Variants in TENM2 observed in about 807,000 individuals in gnomAD.
TENM2 encodes teneurin-2.
A neutral mutation model predicts 245.2 loss-of-function variants in TENM2; 52 were observed. The ratio of observed to expected loss-of-function variants is 0.21; its 90% confidence interval spans 0.17 to 0.27. TENM2 has a LOEUF of 0.27. Ranked by LOEUF, TENM2 falls within the 10% of genes least tolerant of loss-of-function variation. TENM2 has a pLI of 1.00. For synonymous variants in TENM2, 1,363 were observed against 1,438.9 expected (o/e 0.95, Z 1.19); for missense variants, 3,046 against 3,666.8 (o/e 0.83, Z 4.37).
Position 168,070,050 on chromosome 5 carries a change from T to C in TENM2, c.1515+7785T>C, listed in dbSNP as rs142764179. Reference sequence around the variant, plus strand: ...CCATCTGCTTACAGAAATGCTCTTTTTGATTATGTTGCACTTGTCAAACTA... The same window carrying C: ...CCATCTGCTTACAGAAATGCTCTTTCTGATTATGTTGCACTTGTCAAACTA... On this transcript the variant is annotated intron_variant, in intron 7 of 28. Transcript: ENST00000518659. Among the ~76,000 whole-genome samples, 3 of 152,320 alleles carry C rather than the reference T, an allele frequency of 2.0e-5. No homozygotes were observed. In the East Asian group the frequency reaches 5.8e-4, roughly 29 times the overall value.
intron 1 of TENM2, among the ~76,000 whole-genome samples, chr5:167,311,338 A>G (rs1756017913): frequency 6.6e-6 from 1 of 152,210 alleles, no homozygotes; most frequent in East Asian, 1.9e-4. Context: ...TTTACTGCTG[A>G]ATAGCAATTG....
At chr5:168,217,019 G>A in intron 22 of TENM2, 97 bp downstream of exon 24, 2 of 1,350,576 alleles carry the variant, frequency 1.5e-6, no homozygotes, top group Non-Finnish European at 1.0e-6. Flanking sequence ...GGAATGGGAG[G>A]GAGAGATACA....
intron 1 of TENM2, among the ~76,000 whole-genome samples, chr5:167,301,886 A>G (rs1036989543): frequency 1.3e-5 from 2 of 152,080 alleles, no homozygotes; most frequent in Non-Finnish European, 2.9e-5. Context: ...ACCGGGTGTG[A>G]GGAGGGGAGG....
intron 1 of TENM2, among the ~76,000 whole-genome samples, chr5:167,312,280 ACC>A (rs1471544406): frequency 1.3e-5 from 2 of 152,242 alleles, no homozygotes; most frequent in East Asian, 1.9e-4. Context: ...GTTTGTGCAT[ACC>A]ATCACATGAT....
chr5:168,263,159 G>A (rs116400798), downstream of TENM2: 1,540 of 203,322 alleles, frequency 7.6e-3, 23 homozygotes, highest in African/African-American at 0.031. Flanking sequence ...GAACAAAAAC[G>A]AATAAGCAAA....
At chr5:167,335,706 C>G (rs2127800086) in intron 1 of TENM2, among the ~76,000 whole-genome samples, 1 of 152,180 alleles carries the variant, frequency 6.6e-6, no homozygotes, top group East Asian at 1.9e-4. Context: ...CAGCCAAGTT[C>G]CAAATTCTAA....
chr5:167,651,555 G>A (rs372947743), intron 2 of TENM2, among the ~76,000 whole-genome samples: 8 of 152,098 alleles, frequency 5.3e-5, no homozygotes, highest in African/African-American at 1.4e-4. Flanking sequence ...AACATGACCC[G>A]AGACATATGT....
intron 2 of TENM2, among the ~76,000 whole-genome samples, chr5:167,652,636 C>G (rs1463386061): frequency 6.6e-6 from 1 of 152,148 alleles, no homozygotes; most frequent in African/African-American, 2.4e-5. Context: ...TCCTATTATT[C>G]CAGGTAACCA....
chr5:167,853,901 C>T (rs890368880), intron 2 of TENM2, among the ~76,000 whole-genome samples: 7 of 152,276 alleles, frequency 4.6e-5, no homozygotes, highest in African/African-American at 9.6e-5. Flanking sequence ...TCTTATTAAG[C>T]TTTACATAAA....
At chr5:167,648,871 C>A (rs993321380) in intron 2 of TENM2, among the ~76,000 whole-genome samples, 1 of 152,198 alleles carries the variant, frequency 6.6e-6, no homozygotes, top group African/African-American at 2.4e-5. Context: ...AACTTTCAGG[C>A]AACTTTCTGA....
chr5:167,275,794 T>A, the TENM2 span, among the ~76,000 whole-genome samples: 3 of 152,088 alleles, frequency 2.0e-5, no homozygotes, highest in Non-Finnish European at 4.4e-5. Context: ...TGCAATCATG[T>A]CATCTGTAAA....
chr5:168,012,165 A>G (rs1166145808), intron 5 of TENM2, among the ~76,000 whole-genome samples: 2 of 152,172 alleles, frequency 1.3e-5, no homozygotes, highest in African/African-American at 2.4e-5. Context: ...GTTTCTAAAA[A>G]AAGAAATGTA....
At chr5:167,700,074 A>G (rs1399869286) in intron 2 of TENM2, among the ~76,000 whole-genome samples, 1 of 152,176 alleles carries the variant, frequency 6.6e-6, no homozygotes, top group Non-Finnish European at 1.5e-5. Context: ...CTTCACAGAC[A>G]TGCCATATCA....
intron 2 of TENM2, among the ~76,000 whole-genome samples, chr5:167,673,132 T>C (rs1009113892): frequency 6.6e-5 from 10 of 151,946 alleles, no homozygotes; most frequent in Non-Finnish European, 1.5e-4. Context: ...ATGCCACTTA[T>C]TATATGGCCA....
chr5:167,974,875 C>G (rs929473958), intron 4 of TENM2, among the ~76,000 whole-genome samples: 2 of 152,200 alleles, frequency 1.3e-5, no homozygotes, highest in African/African-American at 2.4e-5. Context: ...TCTTCCCCCT[C>G]CTTCCTCACT....
rs535188001 is a variant in TENM2 at position 168,081,010 on chromosome 5, C to T, written c.1516-9564C>T. On this transcript the variant is annotated intron_variant, in intron 7 of 28. Transcript: ENST00000518659. ...TTGTTAACTTTCTGTCTTGTTGATC[C>T]GTCTAATGTTGACAGTGGGGTGTTA... Among the ~76,000 whole-genome samples, 13 of 152,016 alleles carry T rather than the reference C, an allele frequency of 8.6e-5. No homozygotes were observed. The East Asian group carries it at 1.7e-3, about 20-fold the overall frequency.
intron 2 of TENM2, among the ~76,000 whole-genome samples, chr5:167,621,804 T>A (rs1778194863): frequency 6.6e-6 from 1 of 152,166 alleles, no homozygotes; most frequent in Non-Finnish European, 1.5e-5. Context: ...TTAGGGACAA[T>A]TATTTAAAAT....
At chr5:168,236,174 G>A (rs929269457) in intron 25 of TENM2, among the ~76,000 whole-genome samples, 1 of 152,178 alleles carries the variant, frequency 6.6e-6, no homozygotes, top group Non-Finnish European at 1.5e-5. Flanking sequence ...CCCGGTACAT[G>A]CAAATGAGCC....
chr5:168,156,508 A>G (rs1336348144), intron 12 of TENM2, among the ~76,000 whole-genome samples: 2 of 152,100 alleles, frequency 1.3e-5, no homozygotes, highest in Non-Finnish European at 2.9e-5. Flanking sequence ...CCCCTCATGC[A>G]TTATTAGCCA....
Sources: gnomAD v4.1 joint callset for allele counts (sites outside exome capture counted in the v4.1 genomes callset) on GRCh38, gnomAD v4.1.1 for gene constraint, MANE v1.5 for transcripts, NCBI Gene and HGNC (gene_info 2026-07-23, HGNC 2026-07-21) for gene names.